RBL1: variants seen among roughly 807,000 people sequenced by gnomAD.
RBL1 encodes RB transcriptional corepressor like 1.
Under a neutral mutation model 123.0 loss-of-function variants are expected in RBL1, and 82 were observed. The observed-to-expected ratio is 0.67, with a 90% CI of 0.56 to 0.80. The LOEUF (loss-of-function observed/expected upper bound fraction) is 0.80, where lower values mean the gene tolerates loss of function less well. RBL1 is among the 30% of genes least tolerant of loss of function. The pLI, the probability that RBL1 is intolerant of heterozygous loss-of-function variation, is 0.00. For synonymous variants in RBL1, 405 were observed against 441.3 expected, an observed-to-expected ratio of 0.92 and a Z score of 1.03; for missense variants, 1,171 against 1,299.6, an observed-to-expected ratio of 0.90 and a Z score of 1.52.
At chr20:37,004,754 G>GCAGTGGCT (rs1369155139) in intron 20 of RBL1, among the ~76,000 whole-genome samples, 1 of 144,804 alleles carries the variant, frequency 6.9e-6, no homozygotes, top group East Asian at 2.1e-4. Context: ...GGGGCCGGGT[G>GCAGTGGCT]CAGTGGCTCA....
Position 36,998,931 on chromosome 20 carries a change from T to G in RBL1, c.3037-2A>C. ...CATGTTGTTGATATCTTTCAAACTCTGTGCAGAAATAGAGAACGTGTGTGA... is the reference window on the plus strand; with the variant it reads ...CATGTTGTTGATATCTTTCAAACTCGGTGCAGAAATAGAGAACGTGTGTGA... On this transcript the variant is annotated splice_acceptor_variant, in intron 21 of 21. Coordinates refer to ENST00000373664, the MANE Select transcript of RBL1 (RefSeq NM_002895.5). LOFTEE classifies it high-confidence loss of function. The G allele has an allele frequency of 6.2e-7, 1 of 1,609,208 alleles. No homozygotes were observed.
At chr20:37,054,270 G>C (rs894936683) in intron 11 of RBL1, among the ~76,000 whole-genome samples, 3 of 152,020 alleles carry the variant, frequency 2.0e-5, no homozygotes, top group Non-Finnish European at 2.9e-5. Flanking sequence ...GGATCACATG[G>C]TCAGGAGTTC....
At chr20:37,093,918 GGTGTGAGCCACC>G (rs2065688207) in intron 1 of RBL1, among the ~76,000 whole-genome samples, 1 of 152,118 alleles carries the variant, frequency 6.6e-6, no homozygotes, top group Non-Finnish European at 1.5e-5. Context: ...TGGGATTACA[GGTGTGAGCCACC>G]GTGCGCCCGG....
At chr20:37,003,273 T>A (rs1172931848) in intron 21 of RBL1, among the ~76,000 whole-genome samples, 2 of 152,162 alleles carry the variant, frequency 1.3e-5, no homozygotes, top group Non-Finnish European at 2.9e-5. Context: ...TGAACAAGGA[T>A]AAGGATGGAG....
chr20:37,056,351 CTTT>C (rs199931898), intron 9 of RBL1, 93 bp from the exon 10 acceptor site: 11,785 of 952,760 alleles, frequency 0.012, no homozygotes, highest in East Asian at 0.027. Flanking sequence ...CCTTCTTCTT[CTTT>C]TTTTTTTTTT....
intron 2 of RBL1, among the ~76,000 whole-genome samples, chr20:37,072,983 G>A (rs978215584): frequency 2.6e-5 from 4 of 152,000 alleles, no homozygotes; most frequent in Admixed American, 6.6e-5. Context: ...ATAGGGTCCC[G>A]CTCTGTCACT....
At chr20:37,049,318 C>T (rs537837226) in intron 11 of RBL1, 43 of 650,230 alleles carry the variant, frequency 6.6e-5, no homozygotes, top group Admixed American at 5.1e-4. Context: ...CCCTCGGATA[C>T]GACAGAAAAT....
At chr20:37,081,584 C>T (rs940299063) in intron 2 of RBL1, among the ~76,000 whole-genome samples, 1 of 152,156 alleles carries the variant, frequency 6.6e-6, no homozygotes, top group African/African-American at 2.4e-5. Context: ...CTTGACCCCC[C>T]CAAGTTTGAG....
At chr20:37,032,385 A>G (rs889631535) in intron 16 of RBL1, among the ~76,000 whole-genome samples, 1 of 152,190 alleles carries the variant, frequency 6.6e-6, no homozygotes, top group Non-Finnish European at 1.5e-5. Context: ...ACAGAAACAG[A>G]AAGTAGAATA....
At chr20:37,001,203 G>A (rs1008778447) in intron 21 of RBL1, among the ~76,000 whole-genome samples, 4 of 151,248 alleles carry the variant, frequency 2.6e-5, no homozygotes, top group African/African-American at 4.9e-5. Flanking sequence ...CTGCCCGGCC[G>A]CCCCTACTGG....
chr20:37,044,329 G>A (rs2064782335), intron 12 of RBL1, 79 bp from the exon 13 acceptor site: 1 of 1,376,858 alleles, frequency 7.3e-7, no homozygotes, highest in African/African-American at 1.5e-5. Flanking sequence ...GACTAGCTGT[G>A]GCTTTCTTCT....
At chr20:37,036,931 T>C (rs2064624292) in intron 14 of RBL1, among the ~76,000 whole-genome samples, 1 of 152,162 alleles carries the variant, frequency 6.6e-6, no homozygotes, top group Admixed American at 6.5e-5. Flanking sequence ...GGCCCTGTAA[T>C]CTATTTTCAA....
chr20:37,015,723 C>G (rs1301065880), intron 19 of RBL1, among the ~76,000 whole-genome samples: 1 of 150,344 alleles, frequency 6.7e-6, no homozygotes, highest in East Asian at 2.0e-4. Flanking sequence ...AGCCACCGCA[C>G]CCGGGCTTGT....
chr20:37,089,507 G>A (rs1333075488), intron 1 of RBL1, among the ~76,000 whole-genome samples: 5 of 151,988 alleles, frequency 3.3e-5, no homozygotes, highest in African/African-American at 1.2e-4. Context: ...AGCCAGGCAT[G>A]GTGGTGCTTG....
chr20:37,040,053 AG>A, intron 14 of RBL1, 99 bp downstream of exon 14: 1 of 1,523,344 alleles, frequency 6.6e-7, no homozygotes, highest in Admixed American at 2.0e-5. Context: ...TGAATAAATT[AG>A]ATTTCTTAAT....
intron 12 of RBL1, among the ~76,000 whole-genome samples, chr20:37,045,071 C>CATTTATTT (rs1194375891): frequency 1.4e-5 from 2 of 142,610 alleles, no homozygotes; most frequent in Non-Finnish European, 3.1e-5. Flanking sequence ...TTAATATTCA[C>CATTTATTT]ATTTATTTAC....
intron 2 of RBL1, among the ~76,000 whole-genome samples, chr20:37,077,000 A>T (rs1367289100): frequency 6.7e-6 from 1 of 150,310 alleles, no homozygotes; most frequent in East Asian, 1.9e-4. Flanking sequence ...GCAGTGGCAC[A>T]ATCGCGGCTC....
chr20:37,015,902 T>TTA (rs2064242908), intron 19 of RBL1, among the ~76,000 whole-genome samples: 2 of 151,186 alleles, frequency 1.3e-5, no homozygotes, highest in South Asian at 4.2e-4. Context: ...TTTTTGTAGT[T>TTA]TTAGTAGAGA....
chr20:37,032,882 T>C lies in RBL1; in HGVS notation c.2171-6A>G, dbSNP rs775265146. ...TCCAGCATCATTTGCGACACCTGAA[T>C]GTATAAGCATTATTAGAAATAATCT... On this transcript the variant is annotated splice_region_variant and splice_polypyrimidine_tract_variant and intron_variant, in intron 15 of 21. Transcript: ENST00000373664. The C allele has an allele frequency of 6.2e-7, 1 of 1,613,458 alleles. No homozygotes were observed. Among genetic ancestry groups the C allele is most frequent in the Admixed American group, 1.7e-5 (1 of 59,942 alleles).
Sources: allele counts gnomAD v4.1 joint callset (sites outside exome capture counted in the v4.1 genomes callset), GRCh38; gene constraint gnomAD v4.1.1; transcripts MANE v1.5; gene names NCBI Gene and HGNC (gene_info 2026-07-23, HGNC 2026-07-21).